The following PARVB variants were observed in gnomAD, a reference collection of about 807,000 sequenced individuals.
PARVB encodes the protein parvin beta, also known as beta-parvin.
In PARVB, 46 loss-of-function variants were observed where a neutral mutation model predicts 47.0. That is an observed-to-expected ratio of 0.98 (90% CI 0.77 to 1.25). The LOEUF (loss-of-function observed/expected upper bound fraction) is 1.25, where lower values mean the gene tolerates loss of function less well. PARVB is among the 50% of genes most tolerant of loss of function. The pLI is 0.00. For synonymous variants in PARVB, 196 were observed against 196.3 expected (o/e 1.00, Z 0.01); for missense variants, 473 against 471.6 (o/e 1.00, Z -0.03).
intron 8 of PARVB, chr22:44,140,569 G>A (rs1316531503): frequency 3.8e-6 from 2 of 526,012 alleles, no homozygotes; most frequent in Non-Finnish European, 7.6e-6. Flanking sequence ...ATTTCCTCCT[G>A]GAAACCACTG....
At chr22:44,096,910 A>T (rs9614198) in intron 2 of PARVB, among the ~76,000 whole-genome samples, 90,036 of 151,736 alleles carry the variant, frequency 0.59, 27,041 homozygotes, top group East Asian at 0.86. Flanking sequence ...AGAAACCTGA[A>T]CCAGGCCCAC....
chr22:44,148,763 C>T (rs77251852), intron 9 of PARVB: 1 of 152,134 alleles, frequency 6.6e-6, no homozygotes, highest in East Asian at 1.9e-4. Context: ...ATTTATTTAT[C>T]TATCAATTTT....
At chr22:44,081,096 GC>G (rs2147003402) in intron 1 of PARVB, among the ~76,000 whole-genome samples, 1 of 152,296 alleles carries the variant, frequency 6.6e-6, no homozygotes, top group South Asian at 2.1e-4. Flanking sequence ...ACCCCTGTGG[GC>G]CGTGAAGGCC....
intron 1 of PARVB, among the ~76,000 whole-genome samples, 174 bp downstream of exon 1, chr22:44,024,625 G>A (rs2050698287): frequency 6.6e-6 from 1 of 151,974 alleles, no homozygotes; most frequent in South Asian, 2.1e-4. Context: ...GTAAACAACG[G>A]CCGGGACCTG....
chr22:44,030,254 A>G (rs1328458501), intron 1 of PARVB, among the ~76,000 whole-genome samples: 4 of 152,214 alleles, frequency 2.6e-5, no homozygotes, highest in Non-Finnish European at 5.9e-5. Context: ...AGTTTGAGGG[A>G]CAGGCAGATG....
intron 6 of PARVB, among the ~76,000 whole-genome samples, chr22:44,135,948 A>G (rs1432697415): frequency 6.6e-6 from 1 of 152,228 alleles, no homozygotes; most frequent in Non-Finnish European, 1.5e-5. Context: ...GGCTCACCAT[A>G]ATCCATGATG....
At chr22:44,047,067 C>A (rs1200020804) in intron 1 of PARVB, among the ~76,000 whole-genome samples, 1 of 152,184 alleles carries the variant, frequency 6.6e-6, no homozygotes, top group Non-Finnish European at 1.5e-5. Context: ...CAGGCCTATC[C>A]ATGGAGGAGC....
chr22:44,159,304 T>C (rs1344064010), intron 11 of PARVB, among the ~76,000 whole-genome samples: 1 of 152,238 alleles, frequency 6.6e-6, no homozygotes, highest in African/African-American at 2.4e-5. Context: ...ACAGTGAGTT[T>C]AGCCAGGAGA....
chr22:44,100,568 G>A (rs1433180204), intron 3 of PARVB, among the ~76,000 whole-genome samples: 1 of 152,118 alleles, frequency 6.6e-6, no homozygotes, highest in Non-Finnish European at 1.5e-5. Flanking sequence ...TGCGCTGAGT[G>A]GACAGTCAGT....
chr22:43,999,697 C>G, intron 2 of PARVB: 2 of 1,571,308 alleles, frequency 1.3e-6, no homozygotes, highest in Non-Finnish European at 1.8e-6. Context: ...GAAAAACTGT[C>G]AGAAAGTGGA....
chr22:44,080,037 A>C (rs2051865275), intron 1 of PARVB, among the ~76,000 whole-genome samples: 1 of 152,228 alleles, frequency 6.6e-6, no homozygotes, highest in South Asian at 2.1e-4. Context: ...TTTTATCCAC[A>C]GTGTTGGTCA....
chr22:44,087,488 G>A lies in PARVB; in HGVS notation c.113-6440G>A, dbSNP rs552089841. ...TTGCAGGGGCGCCTTGCCATCCCCC[G>A]TGTCCTGCCCTGGTTCTGCTAGTGG... On this transcript the variant is annotated intron_variant, in intron 1 of 12. Coordinates refer to ENST00000338758, the MANE Select transcript of PARVB (RefSeq NM_013327.5). 1.2e-4 allele frequency among the ~76,000 whole-genome samples: 19 copies of A among 152,274 alleles called. 1 individual carries two copies. In the East Asian group the frequency reaches 3.1e-3, roughly 25 times the overall value.
intron 2 of PARVB, among the ~76,000 whole-genome samples, chr22:44,017,190 G>A (rs2050592645): frequency 6.6e-6 from 1 of 152,126 alleles, no homozygotes; most frequent in African/African-American, 2.4e-5. Context: ...CCCCATTTGA[G>A]ATGTGAGAGG....
chr22:44,145,179 T>C (rs1181172406), intron 8 of PARVB: 2 of 152,232 alleles, frequency 1.3e-5, no homozygotes, highest in Admixed American at 1.3e-4. Flanking sequence ...ACTGCCCCAC[T>C]TAGTTCCACA....
rs150647839 is a variant in PARVB, at chr22:44,073,702, A to T, written c.113-20226A>T. On this transcript the variant is annotated intron_variant, in intron 1 of 12. Coordinates refer to ENST00000338758, the MANE Select transcript of PARVB (RefSeq NM_013327.5). ...GGGTTGTGCTTGAGCAGAAGCATTC[A>T]TTGCTTGGAGAAAGCAGAGGAGACC... 2.4e-3 allele frequency among the ~76,000 whole-genome samples: 361 copies of T among 152,332 alleles called. 2 individuals are homozygous for T. The highest frequency in any genetic ancestry group is 8.3e-3 in the African/African-American group (345 of 41,584).
At chr22:44,013,634 A>G (rs1337209609) in intron 2 of PARVB, among the ~76,000 whole-genome samples, 1 of 151,978 alleles carries the variant, frequency 6.6e-6, no homozygotes. Flanking sequence ...GATACACTAC[A>G]TTGTTCTTTT....
chr22:44,080,811 A>G (rs1045122484), intron 1 of PARVB, among the ~76,000 whole-genome samples: 8 of 152,206 alleles, frequency 5.3e-5, no homozygotes, highest in African/African-American at 1.7e-4. Flanking sequence ...GTGTTCACGG[A>G]GCACCTGCCT....
intron 9 of PARVB, 122 bp downstream of exon 9, chr22:44,148,044 G>T (rs1569154133): frequency 2.5e-6 from 2 of 794,742 alleles, no homozygotes. Flanking sequence ...TTGCCACATG[G>T]ATTGAAATGT....
intron 1 of PARVB, among the ~76,000 whole-genome samples, chr22:44,035,278 G>A (rs1190166980): frequency 6.6e-6 from 1 of 151,964 alleles, no homozygotes; most frequent in Non-Finnish European, 1.5e-5. Context: ...TGAAGTGGCC[G>A]GCAACTGCAG....
Sources: gnomAD v4.1 joint callset for allele counts (sites outside exome capture counted in the v4.1 genomes callset) on GRCh38, gnomAD v4.1.1 for gene constraint, MANE v1.5 for transcripts, NCBI Gene and HGNC (gene_info 2026-07-23, HGNC 2026-07-21) for gene names.